NLGN1: variants seen among roughly 807,000 people sequenced by gnomAD.
The protein encoded by NLGN1 is neuroligin-1.
NLGN1 carries 12 observed loss-of-function variants against 65.5 expected under a neutral mutation model. That is an observed-to-expected ratio of 0.18 (90% CI 0.12 to 0.30). The LOEUF (loss-of-function observed/expected upper bound fraction) is 0.30, where lower values mean the gene tolerates loss of function less well. Among genes scored for constraint, NLGN1 ranks in the 10% least tolerant of loss-of-function variants. NLGN1 has a pLI of 1.00. For synonymous variants in NLGN1, 350 were observed against 359.5 expected, an observed-to-expected ratio of 0.97 and a Z score of 0.30; for missense variants, 750 against 1,007.1, an observed-to-expected ratio of 0.74 and a Z score of 3.46.
intron 4 of NLGN1, among the ~76,000 whole-genome samples, chr3:174,267,193 A>T (rs1236549637): frequency 6.6e-6 from 1 of 152,200 alleles, no homozygotes; most frequent in African/African-American, 2.4e-5. Flanking sequence ...AAGCAAAAAG[A>T]TTTATTTGGC....
intron 3 of NLGN1, among the ~76,000 whole-genome samples, chr3:173,767,939 T>C (rs1779013382): frequency 6.6e-6 from 1 of 152,152 alleles, no homozygotes; most frequent in Non-Finnish European, 1.5e-5. Flanking sequence ...ATTTGAATTA[T>C]AATTTTTAAC....
chr3:174,223,486 G>C (rs1739029652), intron 4 of NLGN1, among the ~76,000 whole-genome samples: 1 of 151,726 alleles, frequency 6.6e-6, no homozygotes, highest in Admixed American at 6.6e-5. Context: ...CTTAATATTG[G>C]TATTCTCTAG....
intron 1 of NLGN1, among the ~76,000 whole-genome samples, chr3:173,403,862 C>T (rs1309460256): frequency 6.6e-6 from 1 of 151,952 alleles, no homozygotes; most frequent in East Asian, 1.9e-4. Context: ...TGAGTGCCAT[C>T]GCGCATCACT....
intron 4 of NLGN1, among the ~76,000 whole-genome samples, chr3:173,994,594 C>T (rs1349674725): frequency 6.6e-6 from 1 of 150,848 alleles, no homozygotes; most frequent in South Asian, 2.1e-4. Context: ...TAAGCTCATG[C>T]GTGATTCATG....
At chr3:173,690,238 A>G (rs145084264) in intron 3 of NLGN1, among the ~76,000 whole-genome samples, 1 of 152,302 alleles carries the variant, frequency 6.6e-6, no homozygotes, top group African/African-American at 2.4e-5. Context: ...ACATTTTTTA[A>G]AAGTCTCTAC....
At chr3:173,655,845 G>T (rs951929992) in intron 3 of NLGN1, among the ~76,000 whole-genome samples, 1 of 152,014 alleles carries the variant, frequency 6.6e-6, no homozygotes, top group Non-Finnish European at 1.5e-5. Context: ...CCAGTGGATG[G>T]TGTCCAGGTT....
intron 3 of NLGN1, among the ~76,000 whole-genome samples, chr3:173,712,922 AAGGT>A (rs1174895957): frequency 6.6e-6 from 1 of 152,108 alleles, no homozygotes; most frequent in African/African-American, 2.4e-5. Context: ...AATAAGGAGA[AAGGT>A]AGGCATGGAG....
At chr3:173,409,976 C>T (rs573088677) in intron 1 of NLGN1, among the ~76,000 whole-genome samples, 1 of 152,118 alleles carries the variant, frequency 6.6e-6, no homozygotes, top group East Asian at 1.9e-4. Context: ...GAATTTGGGT[C>T]TGGGAAAGGG....
At chr3:173,516,380 C>A (rs1014385950) in intron 2 of NLGN1, among the ~76,000 whole-genome samples, 1 of 151,928 alleles carries the variant, frequency 6.6e-6, no homozygotes, top group Admixed American at 6.6e-5. Flanking sequence ...ATCTAGATAG[C>A]CAGAGATTTA....
At chr3:173,656,727 C>T (rs770392615) in intron 3 of NLGN1, among the ~76,000 whole-genome samples, 1 of 151,988 alleles carries the variant, frequency 6.6e-6, no homozygotes, top group African/African-American at 2.4e-5. Flanking sequence ...CTCAGTCTTA[C>T]CCAATGAGAA....
At chr3:173,644,141 A>G (rs6774681) in intron 3 of NLGN1, 31,255 of 152,220 alleles carry the variant, frequency 0.21, 3,562 homozygotes, top group African/African-American at 0.3. Context: ...AGAGGGGCCA[A>G]TGTCCACTGA....
intron 4 of NLGN1, among the ~76,000 whole-genome samples, chr3:173,863,618 T>C (rs899401299): frequency 1.3e-5 from 2 of 152,220 alleles, no homozygotes; most frequent in African/African-American, 4.8e-5. Flanking sequence ...AAAAGGAGGA[T>C]GTGCACATGG....
At chr3:173,596,762 T>C (rs1274833706) in intron 2 of NLGN1, among the ~76,000 whole-genome samples, 4 of 152,340 alleles carry the variant, frequency 2.6e-5, no homozygotes, top group African/African-American at 9.6e-5. Context: ...ACCTTCAACT[T>C]TGATATTCTC....
intron 4 of NLGN1, among the ~76,000 whole-genome samples, chr3:173,884,552 A>G (rs1733958931): frequency 6.6e-6 from 1 of 152,158 alleles, no homozygotes; most frequent in African/African-American, 2.4e-5. Flanking sequence ...CTTAAAAAGA[A>G]CCTACATACT....
chr3:174,262,564 A>T (rs1177776571), intron 4 of NLGN1, among the ~76,000 whole-genome samples: 2 of 144,176 alleles, frequency 1.4e-5, no homozygotes, highest in East Asian at 2.1e-4. Flanking sequence ...TGTCTATTTG[A>T]TTCTTCTCTC....
At chr3:173,692,098 A>G (rs1765554287) in intron 3 of NLGN1, among the ~76,000 whole-genome samples, 1 of 152,126 alleles carries the variant, frequency 6.6e-6, no homozygotes, top group Admixed American at 6.6e-5. Flanking sequence ...AAAATTCAAT[A>G]TACTAATTAA....
intron 3 of NLGN1, among the ~76,000 whole-genome samples, chr3:173,754,861 T>A (rs954858593): frequency 1.3e-4 from 20 of 152,130 alleles, no homozygotes; most frequent in African/African-American, 4.3e-4. Flanking sequence ...ACTTTTTATG[T>A]CAACACTCCA....
At chr3:173,767,889 G>A (rs891648858) in intron 3 of NLGN1, among the ~76,000 whole-genome samples, 8 of 152,028 alleles carry the variant, frequency 5.3e-5, no homozygotes, top group African/African-American at 1.9e-4. Context: ...AATTGCACAA[G>A]TCATTTTAAT....
At chr3:174,060,213 G>A (rs1311992979) in intron 4 of NLGN1, among the ~76,000 whole-genome samples, 1 of 152,072 alleles carries the variant, frequency 6.6e-6, no homozygotes, top group Non-Finnish European at 1.5e-5. Flanking sequence ...TGATGAAATG[G>A]TGGAGAAAGC....
Sources: allele counts gnomAD v4.1 joint callset (sites outside exome capture counted in the v4.1 genomes callset), GRCh38; gene constraint gnomAD v4.1.1; transcripts MANE v1.5; gene names NCBI Gene and HGNC (gene_info 2026-07-23, HGNC 2026-07-21).